The following FCHSD1 variants were observed in gnomAD, a reference collection of about 807,000 sequenced individuals.
FCHSD1 encodes FCH and double SH3 domains 1, also known as F-BAR and double SH3 domains protein 1.
A neutral mutation model predicts 101.3 loss-of-function variants in FCHSD1; 109 were observed. That is an observed-to-expected ratio of 1.08 (90% CI 0.92 to 1.26). The LOEUF (loss-of-function observed/expected upper bound fraction) is 1.26. Among genes scored for constraint, FCHSD1 ranks in the 50% most tolerant of loss-of-function variants. The probability of loss-of-function intolerance (pLI) is 0.00; values close to 1 mark genes in which losing one functional copy is unlikely to be tolerated. For synonymous variants in FCHSD1, 291 were observed against 356.8 expected (o/e 0.82, Z 2.08); for missense variants, 820 against 895.8 (o/e 0.92, Z 1.08).
chr5:141,650,169 C>G (rs1403011511), intron 3 of FCHSD1, among the ~76,000 whole-genome samples, 190 bp downstream of exon 3: 1 of 152,150 alleles, frequency 6.6e-6, no homozygotes, highest in East Asian at 1.9e-4. Context: ...GAGAAAGAAA[C>G]TGAGGTCAAG....
At position 141,644,560 on chromosome 5, in the gene FCHSD1, T is replaced by G; in HGVS notation, c.1642+13A>C. 6.2e-7 allele frequency: 1 copy of G among 1,613,198 alleles called. No individual in the cohort carries two copies. Among genetic ancestry groups the G allele is most frequent in the Non-Finnish European group, 8.5e-7 (1 of 1,179,308 alleles). ...TACCCAGGGTCCTCTAACCCAAAAT[T>G]TCCCTTTCTTACCTGTGGGCTCTGC... On this transcript the variant is annotated intron_variant, in intron 16 of 19. Coordinates refer to ENST00000435817, the MANE Select transcript of FCHSD1 (RefSeq NM_033449.3).
rs2099907617 is a variant in FCHSD1, at chr5:141,646,070, T to C, written c.1149+17A>G. The C allele has an allele frequency of 6.2e-7, 1 of 1,601,506 alleles. No individual in the cohort carries two copies. The highest frequency in any genetic ancestry group is 8.5e-7 in the Non-Finnish European group (1 of 1,173,886). Reference sequence around the variant, plus strand: ...GCCTGAGAAGGTGGGATCTCTAACCTCAGGGGTGTGCCTCACCTGTGCCCG... The same window carrying C: ...GCCTGAGAAGGTGGGATCTCTAACCCCAGGGGTGTGCCTCACCTGTGCCCG... On this transcript the variant is annotated intron_variant, in intron 12 of 19. Coordinates refer to ENST00000435817, the MANE Select transcript of FCHSD1 (RefSeq NM_033449.3).
chr5:141,640,130 G>T lies in FCHSD1; in HGVS notation c.*1368C>A. The stretch of plus-strand genomic sequence containing the variant: ...AGGTCCTAGCCAGCCCCCCAGTACA[G>T]AATGGAGGACTCAGGGACAGCAGCC... On this transcript the variant is annotated 3_prime_UTR_variant, in exon 20 of 20. Transcript: ENST00000435817. The T allele has an allele frequency of 6.2e-7, 1 of 1,614,086 alleles. No homozygotes were observed. The highest frequency in any genetic ancestry group is 8.5e-7 in the Non-Finnish European group (1 of 1,179,952).
chr5:141,651,359 G>T lies in FCHSD1; in HGVS notation c.10C>A (p.Pro4Thr), dbSNP rs202034143. The T allele has an allele frequency of 3.3e-4, 514 of 1,553,912 alleles. 2 individuals are homozygous for T. The African/African-American group carries it at 6.1e-3, about 18-fold the overall frequency. The stretch of plus-strand genomic sequence containing the variant: ...AGGGCCAAGCTCACTTTTCGGGGCG[G>T]CGGCTGCATCTCCGCTCCAGCAAGG... MQP[P>T]PRKVKPAQEV... The change falls in exon 1 of 20, where the codon CCG becomes ACG. Residue 4 changes from proline to threonine, a missense_variant. Physicochemically the swap from Pro to Thr is conservative, Grantham distance 38 (BLOSUM62 -1). Transcript: ENST00000435817.
chr5:141,639,377 T>G lies in FCHSD1; in HGVS notation c.*2121A>C. 2 of 1,162,968 alleles carry G rather than the reference T, an allele frequency of 1.7e-6. No homozygotes were observed. Among genetic ancestry groups the G allele is most frequent in the Non-Finnish European group, 2.4e-6 (2 of 822,810 alleles). The allele number at this position is 1,162,968 out of a possible 1,614,324, so 72.0% of individuals were successfully genotyped here. ...TGGGGAAATTGGGGCTTCTGGGGTT[T>G]TAAGGAGCATGCTGAAAGAACGTAA... On this transcript the variant is annotated 3_prime_UTR_variant, in exon 20 of 20. Transcript: ENST00000435817. This position sits in a 1 kb window ranked among gnomAD's most constrained non-coding sequence, Gnocchi z 4.4.
At chr5:141,650,498 G>A (rs1034497425) in intron 2 of FCHSD1, 94 bp from the exon 3 acceptor site, 2 of 1,487,258 alleles carry the variant, frequency 1.3e-6, no homozygotes, top group South Asian at 1.1e-5. Context: ...GCAGGAGGGA[G>A]CGGTTGGGGG....
At position 141,639,705 on chromosome 5, in the gene FCHSD1, C is replaced by T; in HGVS notation, c.*1793G>A. 3 of 1,498,454 alleles carry T rather than the reference C, an allele frequency of 2.0e-6. No homozygotes were observed. The highest frequency in any genetic ancestry group is 2.7e-6 in the Non-Finnish European group (3 of 1,103,634). 92.8% of individuals were successfully genotyped at this position (1,498,454 alleles called of 1,614,324 possible). A position where few individuals can be genotyped will look rare whatever the true frequency, so the allele number is the denominator to read the frequency against. On this transcript the variant is annotated 3_prime_UTR_variant, in exon 20 of 20. Coordinates refer to ENST00000435817, the MANE Select transcript of FCHSD1 (RefSeq NM_033449.3). This position sits in a 1 kb window ranked among gnomAD's most constrained non-coding sequence, Gnocchi z 4.4. The stretch of plus-strand genomic sequence containing the variant: ...TGAGGTAGGGGGCCCAGTGATCAGG[C>T]ACCTGATCCCAAAAGTGGGCCTTGG...
At position 141,649,469 on chromosome 5, in the gene FCHSD1, G is replaced by A. The variant is rs116801073; in HGVS notation, c.301C>T (p.Leu101Phe). The A allele has an allele frequency of 4.9e-4, 784 of 1,613,890 alleles. 5 individuals carry two copies. The African/African-American group carries it at 9.5e-3, about 20-fold the overall frequency. The part of the protein sequence containing the change: ...DATVAGGQTR[L>F]QASDRYRDLA... ...TCACGGTATCGGTCAGACGCCTGGAGTCGGGTTTGGCCCCCAGCCACGGTG... is the reference window on the plus strand; with the variant it reads ...TCACGGTATCGGTCAGACGCCTGGAATCGGGTTTGGCCCCCAGCCACGGTG... Residue 101 changes from leucine (L) to phenylalanine (F), a missense_variant, in exon 5 of 20, where the codon CTC becomes TTC. Transcript: ENST00000435817. The surrounding 1 kb of genome is among the most constrained non-coding windows in gnomAD (Gnocchi z 4.1).
At position 141,645,667 on chromosome 5, in the gene FCHSD1, C is replaced by G. The variant is rs528563407; in HGVS notation, c.1311+104G>C. 556 of 1,348,646 alleles carry G rather than the reference C, an allele frequency of 4.1e-4. 2 individuals carry two copies. Among genetic ancestry groups the G allele is most frequent in the Non-Finnish European group, 5.3e-4 (534 of 999,934 alleles). 83.5% of individuals were successfully genotyped at this position (1,348,646 alleles called of 1,614,324 possible). ...GATTTCACTTAAGCCTCGTAATAAC[C>G]CTTTGAGTTAGGCACAACTGTGATT... On this transcript the variant is annotated intron_variant, in intron 13 of 19. Coordinates refer to ENST00000435817, the MANE Select transcript of FCHSD1 (RefSeq NM_033449.3).
chr5:141,645,156 G>A lies in FCHSD1; in HGVS notation c.1312-8C>T, dbSNP rs1197042867. The stretch of plus-strand genomic sequence containing the variant: ...AAGCTCAGCATCCTCAGCCTAGAGG[G>A]GCAAAGAACAGACCTCATATGGGGC... On this transcript the variant is annotated splice_polypyrimidine_tract_variant and splice_region_variant and intron_variant, in intron 13 of 19. Coordinates refer to ENST00000435817, the MANE Select transcript of FCHSD1 (RefSeq NM_033449.3). The A allele has an allele frequency of 1.3e-6, 2 of 1,533,986 alleles. No homozygotes were observed. Among genetic ancestry groups the A allele is most frequent in the Non-Finnish European group, 8.8e-7 (1 of 1,141,384 alleles).
intron 2 of FCHSD1, 40 bp from the exon 3 acceptor site, chr5:141,650,444 G>T: frequency 6.2e-7 from 1 of 1,613,508 alleles, no homozygotes; most frequent in Non-Finnish European, 8.5e-7. Flanking sequence ...GGGGGATAAG[G>T]TTATGTTTGG....
At position 141,649,462 on chromosome 5, in the gene FCHSD1, G is replaced by A. The variant is rs567630037; in HGVS notation, c.308C>T (p.Ala103Val). The A allele has an allele frequency of 2.5e-4, 397 of 1,613,890 alleles. 3 individuals are homozygous for A. In the South Asian group the frequency reaches 4.1e-3, roughly 16 times the overall value. The change falls in exon 5 of 20, where the codon GCG (alanine) becomes GTG (valine). Residue 103 changes from alanine to valine, a missense_variant. By Grantham distance (64) the Ala-to-Val change is moderately conservative. Transcript: ENST00000435817. The surrounding 1 kb of genome is among the most constrained non-coding windows in gnomAD (Gnocchi z 4.1). The part of the protein sequence containing the change: ...TVAGGQTRLQ[A>V]SDRYRDLAGG... The stretch of plus-strand genomic sequence containing the variant: ...TGCTAGGTCACGGTATCGGTCAGAC[G>A]CCTGGAGTCGGGTTTGGCCCCCAGC...
rs1285305660 is a variant in FCHSD1 at position 141,643,046 on chromosome 5, G to A, written c.1906C>T (p.Pro636Ser). The stretch of plus-strand genomic sequence containing the variant: ...GGGGGCCCATCCAACACAGAGGTAG[G>A]TGCAGGTGGGGAGAAGCTGGGAGGA... ...PSPPSFSPPA[P>S]TSVLDGPPAP... Residue 636 changes from proline to serine, a missense_variant, in exon 18 of 20, where the codon CCT becomes TCT. Pro to Ser is a moderately conservative substitution (Grantham distance 74). Coordinates refer to ENST00000435817, the MANE Select transcript of FCHSD1 (RefSeq NM_033449.3). The A allele has an allele frequency of 3.9e-6, 6 of 1,548,234 alleles. No individual in the cohort carries two copies. The highest frequency in any genetic ancestry group is 5.2e-6 in the Non-Finnish European group (6 of 1,149,306).
In FCHSD1 at chr5:141,641,023, C is replaced by G; in HGVS notation, c.*475G>C. Reference sequence around the variant, plus strand: ...GAGGCCCAGGCCCTGGCCTGGCCTTCGTGCCCTTTATTCATTGTCAATAAA... The same window carrying G: ...GAGGCCCAGGCCCTGGCCTGGCCTTGGTGCCCTTTATTCATTGTCAATAAA... On this transcript the variant is annotated 3_prime_UTR_variant, in exon 20 of 20. Transcript: ENST00000435817. 2.6e-6 allele frequency: 1 copy of G among 383,820 alleles called. No homozygotes were observed. Among genetic ancestry groups the G allele is most frequent in the Non-Finnish European group, 4.7e-6 (1 of 214,902 alleles). The allele number at this position is 383,820 out of a possible 1,614,324, so 23.8% of individuals were successfully genotyped here. A position where few individuals can be genotyped will look rare whatever the true frequency, so the allele number is the denominator to read the frequency against.
In FCHSD1 at chr5:141,639,983, A is replaced by C. The variant is rs200873530; in HGVS notation, c.*1515T>G. 164 of 1,613,762 alleles carry C rather than the reference A, an allele frequency of 1.0e-4. No homozygotes were observed. In the African/African-American group the frequency reaches 1.1e-3, roughly 11 times the overall value. On this transcript the variant is annotated 3_prime_UTR_variant, in exon 20 of 20. Coordinates refer to ENST00000435817, the MANE Select transcript of FCHSD1 (RefSeq NM_033449.3). This position sits in a 1 kb window ranked among gnomAD's most constrained non-coding sequence, Gnocchi z 4.4. ...ACGAACACCGTGATGGCTCCCCCAC[A>C]GACAGGAGCTGGGGCTCTGGTGGGG...
Position 141,640,019 on chromosome 5 carries a change from A to AG in FCHSD1, c.*1478dup. 1.2e-6 allele frequency: 2 copies of AG among 1,613,350 alleles called. No individual in the cohort carries two copies. The highest frequency in any genetic ancestry group is 1.7e-6 in the Non-Finnish European group (2 of 1,179,644). On this transcript the variant is annotated 3_prime_UTR_variant, in exon 20 of 20. Coordinates refer to ENST00000435817, the MANE Select transcript of FCHSD1 (RefSeq NM_033449.3). ...GGGGCTCTGGTGGGGGACAGGACCC[A>AG]GGGGGTGGTCAGGGGTCTGGGGGAG...
In FCHSD1 at chr5:141,641,492, T is replaced by C; in HGVS notation, c.*6A>G. The C allele has an allele frequency of 2.0e-6, 3 of 1,485,130 alleles. No individual in the cohort carries two copies. The highest frequency in any genetic ancestry group is 2.7e-6 in the Non-Finnish European group (3 of 1,118,010). 92.0% of individuals were successfully genotyped at this position (1,485,130 alleles called of 1,614,324 possible). A position where few individuals can be genotyped will look rare whatever the true frequency, so the allele number is the denominator to read the frequency against. ...GCATCACTGGGGGTCAAGGCTTCCCTGGCCTTCAGGTGAGGGGATCTGGGT... is the reference window on the plus strand; with the variant it reads ...GCATCACTGGGGGTCAAGGCTTCCCCGGCCTTCAGGTGAGGGGATCTGGGT... On this transcript the variant is annotated 3_prime_UTR_variant, in exon 20 of 20. Transcript: ENST00000435817.
chr5:141,642,656 T>A (rs889109125), intron 18 of FCHSD1: 2 of 544,308 alleles, frequency 3.7e-6, no homozygotes, highest in South Asian at 2.5e-5. Flanking sequence ...AGCTAATTTT[T>A]AAAATAATAA....
chr5:141,641,099 C>G lies in FCHSD1; in HGVS notation c.*399G>C, dbSNP rs1202389125. 1 of 303,804 alleles carries G rather than the reference C, an allele frequency of 3.3e-6. No homozygotes were observed. The highest frequency in any genetic ancestry group is 2.2e-5 in the African/African-American group (1 of 46,476). The allele number at this position is 303,804 out of a possible 1,614,324, so 18.8% of individuals were successfully genotyped here. A position where few individuals can be genotyped will look rare whatever the true frequency, so the allele number is the denominator to read the frequency against. On this transcript the variant is annotated 3_prime_UTR_variant, in exon 20 of 20. Transcript: ENST00000435817. ...CGCATCCTGGCTCCAGCTCCTGATT[C>G]CCAAGGCCTGTTCCTCTCCCCAGCC...
Sources: allele counts gnomAD v4.1 joint callset (sites outside exome capture counted in the v4.1 genomes callset), GRCh38; gene constraint gnomAD v4.1.1; non-coding constraint Gnocchi (gnomAD v3.1); transcripts MANE v1.5; gene names NCBI Gene and HGNC (gene_info 2026-07-23, HGNC 2026-07-21).